OPCML: variants seen among roughly 807,000 people sequenced by gnomAD.
OPCML encodes the protein opioid binding protein/cell adhesion molecule like.
Under a neutral mutation model 37.8 loss-of-function variants are expected in OPCML, and 13 were observed. The observed-to-expected ratio is 0.34, with a 90% CI of 0.22 to 0.55. The LOEUF is 0.55. Among genes scored for constraint, OPCML ranks in the 20% least tolerant of loss-of-function variants. OPCML has a pLI of 0.91. For synonymous variants in OPCML, 176 were observed against 168.8 expected (o/e 1.04, Z -0.33); for missense variants, 341 against 435.6 (o/e 0.78, Z 1.93).
rs541208533 is a variant in OPCML at position 132,967,459 on chromosome 11, C to A, written c.62-24449G>T. On this transcript the variant is annotated intron_variant, in intron 1 of 7. Transcript: ENST00000524381. Reference sequence around the variant, plus strand: ...CTATTTATAGAGTTGATGGTATTAACCATCTTATTTGCCATTTCTTGTTTT... The same window carrying A: ...CTATTTATAGAGTTGATGGTATTAAACATCTTATTTGCCATTTCTTGTTTT... Among the ~76,000 whole-genome samples, 150 of 152,094 alleles carry A rather than the reference C, an allele frequency of 9.9e-4. 1 individual carries two copies. The highest frequency in any genetic ancestry group is 5.4e-3 in the South Asian group (26 of 4,816).
At chr11:133,284,380 A>G (rs1942241531) in intron 1 of OPCML, among the ~76,000 whole-genome samples, 1 of 152,232 alleles carries the variant, frequency 6.6e-6, no homozygotes, top group African/African-American at 2.4e-5. Flanking sequence ...AATGTCAGAA[A>G]GCAAAAGCGG....
At chr11:132,565,695 C>A (rs1205686393) in intron 3 of OPCML, among the ~76,000 whole-genome samples, 1 of 152,196 alleles carries the variant, frequency 6.6e-6, no homozygotes. Flanking sequence ...CTTCTGCTTT[C>A]ATTTCTTTGA....
chr11:132,912,682 C>G (rs1252818181), intron 2 of OPCML, among the ~76,000 whole-genome samples: 1 of 152,210 alleles, frequency 6.6e-6, no homozygotes, highest in Admixed American at 6.5e-5. Context: ...TTTATCATCT[C>G]TTGTATCAAC....
At chr11:132,770,970 G>C (rs1894195) in intron 2 of OPCML, among the ~76,000 whole-genome samples, 52,773 of 152,046 alleles carry the variant, frequency 0.35, 9,782 homozygotes, top group Non-Finnish European at 0.42. Context: ...TGCCCAGAGA[G>C]CAGCAGCCCT....
chr11:132,456,327 AT>A (rs1233946905), intron 4 of OPCML, among the ~76,000 whole-genome samples: 1 of 152,238 alleles, frequency 6.6e-6, no homozygotes, highest in African/African-American at 2.4e-5. Context: ...GACCTTGAGA[AT>A]TAAATAGCTC....
At chr11:133,259,544 AAC>A (rs1182917245) in intron 1 of OPCML, among the ~76,000 whole-genome samples, 2 of 152,338 alleles carry the variant, frequency 1.3e-5, no homozygotes, top group Non-Finnish European at 2.9e-5. Flanking sequence ...GAGATGTAGA[AAC>A]ACAATGTGAT....
At chr11:132,729,302 T>G (rs1944995868) in intron 2 of OPCML, among the ~76,000 whole-genome samples, 1 of 152,168 alleles carries the variant, frequency 6.6e-6, no homozygotes, top group South Asian at 2.1e-4. Flanking sequence ...CATGAATGGA[T>G]GTTTAACTAA....
intron 2 of OPCML, among the ~76,000 whole-genome samples, chr11:132,913,287 C>G (rs1263903146): frequency 6.6e-6 from 1 of 152,134 alleles, no homozygotes; most frequent in East Asian, 1.9e-4. Context: ...AAAAACACTT[C>G]TAAGAGCGGA....
At chr11:132,928,064 A>G (rs926416194) in intron 2 of OPCML, among the ~76,000 whole-genome samples, 33 of 152,050 alleles carry the variant, frequency 2.2e-4, no homozygotes, top group African/African-American at 8.0e-4. Context: ...ATGAGGGACA[A>G]AAAAACTATA....
intron 1 of OPCML, among the ~76,000 whole-genome samples, chr11:133,456,402 C>T (rs1455526188): frequency 6.6e-6 from 1 of 152,064 alleles, no homozygotes; most frequent in Non-Finnish European, 1.5e-5. Flanking sequence ...TGAAGCTCCT[C>T]CATGTCAACC....
intron 1 of OPCML, among the ~76,000 whole-genome samples, chr11:133,460,491 CA>C (rs927969708): frequency 1.7e-4 from 25 of 151,194 alleles, no homozygotes; most frequent in African/African-American, 5.6e-4. Context: ...AGCAAGAAGA[CA>C]AAAAAATCAG....
intron 2 of OPCML, among the ~76,000 whole-genome samples, chr11:132,781,641 G>A (rs1947021301): frequency 6.7e-6 from 1 of 148,490 alleles, no homozygotes; most frequent in Middle Eastern, 3.5e-3. Context: ...TTTTTGGTCT[G>A]GAAAACTCTA....
At chr11:133,457,084 G>A (rs1046700877) in intron 1 of OPCML, among the ~76,000 whole-genome samples, 1 of 152,156 alleles carries the variant, frequency 6.6e-6, no homozygotes, top group African/African-American at 2.4e-5. Flanking sequence ...TGTTGACACA[G>A]ACAAAGAGAA....
chr11:133,238,500 G>T (rs907871243), intron 1 of OPCML, among the ~76,000 whole-genome samples: 1 of 151,924 alleles, frequency 6.6e-6, no homozygotes, highest in South Asian at 2.1e-4. Context: ...TTTTTAAAAC[G>T]TGATTCTAGG....
chr11:133,444,617 A>G (rs926705390), intron 1 of OPCML, among the ~76,000 whole-genome samples: 1 of 152,228 alleles, frequency 6.6e-6, no homozygotes, highest in African/African-American at 2.4e-5. Context: ...GTCATATAAA[A>G]GTTGATATTT....
At chr11:133,071,975 A>G (rs937975180) in intron 1 of OPCML, among the ~76,000 whole-genome samples, 20 of 152,338 alleles carry the variant, frequency 1.3e-4, no homozygotes, top group Admixed American at 1.2e-3. Context: ...GCGGTAGTGA[A>G]GTCAGGACTG....
chr11:133,196,734 A>C (rs996327219), intron 1 of OPCML, among the ~76,000 whole-genome samples: 2 of 152,172 alleles, frequency 1.3e-5, no homozygotes, highest in Non-Finnish European at 1.5e-5. Flanking sequence ...AAGTCAAAGA[A>C]AGACTAATCT....
intron 2 of OPCML, among the ~76,000 whole-genome samples, chr11:132,886,111 G>A (rs1219461137): frequency 1.3e-5 from 2 of 152,090 alleles, no homozygotes; most frequent in African/African-American, 4.8e-5. Context: ...TCCATTGTAT[G>A]GATTAGCGTA....
intron 1 of OPCML, among the ~76,000 whole-genome samples, chr11:133,048,455 A>C (rs1246720939): frequency 6.6e-6 from 1 of 152,068 alleles, no homozygotes. Context: ...CCAACTCATC[A>C]TACCACTTAG....
Sources: gnomAD v4.1 joint callset for allele counts (sites outside exome capture counted in the v4.1 genomes callset) on GRCh38, gnomAD v4.1.1 for gene constraint, MANE v1.5 for transcripts, NCBI Gene and HGNC (gene_info 2026-07-23, HGNC 2026-07-21) for gene names.